The following PIEZO2 variants were observed in gnomAD, a reference collection of about 807,000 sequenced individuals.
PIEZO2 encodes piezo type mechanosensitive ion channel component 2, also known as piezo-type mechanosensitive ion channel component 2.
In PIEZO2, 172 loss-of-function variants were observed where a neutral mutation model predicts 337.3. The ratio of observed to expected loss-of-function variants is 0.51; its 90% CI spans 0.45 to 0.58. The LOEUF (loss-of-function observed/expected upper bound fraction) is 0.58, where lower values mean the gene tolerates loss of function less well. Among genes scored for constraint, PIEZO2 ranks in the 20% least tolerant of loss-of-function variants. PIEZO2 has a pLI of 0.00. For synonymous variants in PIEZO2, 1,251 were observed against 1,228.5 expected, an observed-to-expected ratio of 1.02 and a Z score of -0.38; for missense variants, 3,028 against 3,391.3, an observed-to-expected ratio of 0.89 and a Z score of 2.66.
At position 10,758,140 on chromosome 18, in the gene PIEZO2, A is replaced by C; in HGVS notation, c.3758-6T>G. On this transcript the variant is annotated splice_region_variant and splice_polypyrimidine_tract_variant and intron_variant, in intron 26 of 55. Coordinates refer to ENST00000674853, the MANE Select transcript of PIEZO2 (RefSeq NM_001378183.1). ...CAGAAGCAGCATGAAGTCATCTAAC[A>C]AGACAGAGGTGAGATCATTAAGCCG... 6.5e-7 allele frequency: 1 copy of C among 1,537,114 alleles called. No homozygotes were observed. The highest frequency in any genetic ancestry group is 1.2e-5 in the South Asian group (1 of 83,962).
intron 36 of PIEZO2, among the ~76,000 whole-genome samples, chr18:10,722,002 A>C (rs2036331521): frequency 1.3e-5 from 2 of 152,058 alleles, no homozygotes; most frequent in African/African-American, 4.8e-5. Context: ...AAAATACAAA[A>C]AATTAGCCAA....
intron 1 of PIEZO2, among the ~76,000 whole-genome samples, chr18:11,066,724 CA>C (rs1303155265): frequency 6.6e-6 from 1 of 152,106 alleles, no homozygotes; most frequent in Non-Finnish European, 1.5e-5. Context: ...CTCAGCCTCC[CA>C]AGTAGCTGGG....
intron 3 of PIEZO2, among the ~76,000 whole-genome samples, chr18:10,926,299 G>A (rs544296959): frequency 6.6e-6 from 1 of 152,284 alleles, no homozygotes; most frequent in South Asian, 2.1e-4. Flanking sequence ...TTCACAGCTT[G>A]GCATCGCCCA....
intron 3 of PIEZO2, among the ~76,000 whole-genome samples, chr18:10,926,032 A>G (rs926594913): frequency 2.0e-5 from 3 of 152,190 alleles, no homozygotes; most frequent in African/African-American, 4.8e-5. Context: ...TTCATTTAAG[A>G]TCTTAGGCAG....
intron 4 of PIEZO2, among the ~76,000 whole-genome samples, chr18:10,873,402 G>A (rs375471809): frequency 3.9e-5 from 6 of 152,086 alleles, no homozygotes; most frequent in African/African-American, 7.2e-5. Flanking sequence ...TTCTCCCTAC[G>A]TTCACTTTTA....
chr18:10,683,250 A>G (rs2034356498), intron 49 of PIEZO2, among the ~76,000 whole-genome samples: 1 of 152,256 alleles, frequency 6.6e-6, no homozygotes, highest in African/African-American at 2.4e-5. Context: ...GCCATAGATT[A>G]CACACCAGGA....
chr18:10,882,828 C>T (rs2042459597), intron 4 of PIEZO2, among the ~76,000 whole-genome samples: 1 of 113,040 alleles, frequency 8.8e-6, no homozygotes, highest in African/African-American at 2.9e-5. Context: ...ATATGTACCA[C>T]ATTTTCTTTT....
In PIEZO2 at chr18:10,677,697, C is replaced by A; in HGVS notation, c.8081+50G>T. ...GAATCTGTAGATGGACATTTTGTAC[C>A]AGCTGCATATACCTAACAAAGCTCT... On this transcript the variant is annotated intron_variant, in intron 53 of 55. Transcript: ENST00000674853. The surrounding 1 kb of genome is among the most constrained non-coding windows in gnomAD (Gnocchi z 4.1). The A allele has an allele frequency of 6.4e-7, 1 of 1,574,728 alleles. No individual in the cohort carries two copies. Among genetic ancestry groups the A allele is most frequent in the South Asian group, 1.2e-5 (1 of 84,192 alleles).
rs78023192 is a variant in PIEZO2 at position 10,705,737 on chromosome 18, C to A, written c.5598G>T (p.Thr1866=). The part of the protein sequence containing the change: ...DSGSLASSEP[T]QCTMLYSRQG... ...GGCGTGAGTACAGCATGGTACACTG[C>A]GTGGGCTCGCTGTTGGGAGAAAGCG... The change falls in exon 41 of 56, where the codon ACG becomes ACT. Residue 1866 remains threonine (T), a synonymous_variant. Transcript: ENST00000674853. The A allele has an allele frequency of 6.9e-4, 1,059 of 1,525,182 alleles. 7 individuals carry two copies. In the African/African-American group the frequency reaches 0.013, roughly 18 times the overall value. 94.5% of individuals were successfully genotyped at this position (1,525,182 alleles called of 1,614,324 possible).
intron 2 of PIEZO2, among the ~76,000 whole-genome samples, chr18:11,044,189 A>T (rs1480108486): frequency 6.7e-6 from 1 of 149,550 alleles, no homozygotes; most frequent in Non-Finnish European, 1.5e-5. Context: ...ACACACTAAT[A>T]TAATATATAT....
rs546737146 is a variant in PIEZO2 at position 10,952,579 on chromosome 18, A to G, written c.286+26956T>C. Among the ~76,000 whole-genome samples the G allele has an allele frequency of 6.6e-6, 1 of 152,316 alleles. No individual in the cohort carries two copies. The highest frequency in any genetic ancestry group is 2.1e-4 in the South Asian group (1 of 4,828). ...TATTGTTGACCTGTGTAGTCCATCC[A>G]GGGACCAAGTTTGCTGAAAGACATT... On this transcript the variant is annotated intron_variant, in intron 3 of 55. Coordinates refer to ENST00000674853, the MANE Select transcript of PIEZO2 (RefSeq NM_001378183.1). This position sits in a 1 kb window ranked among gnomAD's most constrained non-coding sequence, Gnocchi z 4.1.
chr18:10,815,154 A>G lies in PIEZO2; in HGVS notation c.918-7880T>C, dbSNP rs1218743286. ...ATGGCATAAATCTAATGGCAACAAA[A>G]CATGGGTCTTATTTTTAAAGGTTAA... On this transcript the variant is annotated intron_variant, in intron 7 of 55. Transcript: ENST00000674853. This position sits in a 1 kb window ranked among gnomAD's most constrained non-coding sequence, Gnocchi z 4.1. 6.6e-6 allele frequency among the ~76,000 whole-genome samples: 1 copy of G among 152,202 alleles called. No individual in the cohort carries two copies. The highest frequency in any genetic ancestry group is 1.5e-5 in the Non-Finnish European group (1 of 68,026).
intron 4 of PIEZO2, among the ~76,000 whole-genome samples, chr18:10,883,896 C>T (rs773357926): frequency 6.7e-6 from 1 of 150,086 alleles, no homozygotes; most frequent in Non-Finnish European, 1.5e-5. Context: ...CTGCAAACTC[C>T]CCCTCCCAGG....
chr18:11,084,667 T>C (rs1425101219), intron 1 of PIEZO2, among the ~76,000 whole-genome samples: 1 of 152,168 alleles, frequency 6.6e-6, no homozygotes, highest in Non-Finnish European at 1.5e-5. Context: ...CTATTTTCTT[T>C]ACCAAGAACT....
Position 10,862,092 on chromosome 18 carries a change from C to T in PIEZO2, c.493-4881G>A, listed in dbSNP as rs1204154355. 1.3e-5 allele frequency among the ~76,000 whole-genome samples: 2 copies of T among 151,866 alleles called. No individual in the cohort carries two copies. Among genetic ancestry groups the T allele is most frequent in the Non-Finnish European group, 2.9e-5 (2 of 67,968 alleles). ...AGAGAGGATGTTAATGTCCTCAACA[C>T]AAATAAATAATAAGTATTTGAGATG... On this transcript the variant is annotated intron_variant, in intron 5 of 55. Transcript: ENST00000674853. The surrounding 1 kb of genome is among the most constrained non-coding windows in gnomAD (Gnocchi z 4.4).
chr18:11,009,234 A>G lies in PIEZO2; in HGVS notation c.161-29574T>C, dbSNP rs937686072. 6.6e-6 allele frequency among the ~76,000 whole-genome samples: 1 copy of G among 152,190 alleles called. No individual in the cohort carries two copies. Among genetic ancestry groups the G allele is most frequent in the Non-Finnish European group, 1.5e-5 (1 of 68,040 alleles). Reference sequence around the variant, plus strand: ...AAGGACTCTTATTAAATAATTTTCAATGAATTGCTGAGTCTCTGAAGAGTG... The same window carrying G: ...AAGGACTCTTATTAAATAATTTTCAGTGAATTGCTGAGTCTCTGAAGAGTG... On this transcript the variant is annotated intron_variant, in intron 2 of 55. Coordinates refer to ENST00000674853, the MANE Select transcript of PIEZO2 (RefSeq NM_001378183.1). The surrounding 1 kb of genome is among the most constrained non-coding windows in gnomAD (Gnocchi z 4.6).
At chr18:10,792,442 T>C (rs940602770) in intron 13 of PIEZO2, among the ~76,000 whole-genome samples, 1 of 152,232 alleles carries the variant, frequency 6.6e-6, no homozygotes, top group Admixed American at 6.5e-5. Context: ...CTTTTCTCCC[T>C]ATCTCAGCCC....
In PIEZO2 at chr18:10,877,010, T is replaced by C. The variant is rs547300822; in HGVS notation, c.330-5595A>G. On this transcript the variant is annotated intron_variant, in intron 4 of 55. Transcript: ENST00000674853. The surrounding 1 kb of genome is among the most constrained non-coding windows in gnomAD (Gnocchi z 5.3). Reference sequence around the variant, plus strand: ...CCGTTCCCGTGGTTTTCTTACACTCTCTTCTAATTCTCTACCTACCTATGA... The same window carrying C: ...CCGTTCCCGTGGTTTTCTTACACTCCCTTCTAATTCTCTACCTACCTATGA... 6.6e-6 allele frequency among the ~76,000 whole-genome samples: 1 copy of C among 152,310 alleles called. No homozygotes were observed. Among genetic ancestry groups the C allele is most frequent in the Admixed American group, 6.5e-5 (1 of 15,306 alleles).
chr18:11,083,286 T>C lies in PIEZO2; in HGVS notation c.65-17064A>G, dbSNP rs2038812480. 6.6e-6 allele frequency among the ~76,000 whole-genome samples: 1 copy of C among 152,232 alleles called. No homozygotes were observed. The highest frequency in any genetic ancestry group is 1.9e-4 in the East Asian group (1 of 5,204). On this transcript the variant is annotated intron_variant, in intron 1 of 55. Transcript: ENST00000674853. The surrounding 1 kb of genome is among the most constrained non-coding windows in gnomAD (Gnocchi z 4.4). ...TGTCCAGCTACTCTAAAAAGCTACTTTGTGGTTCTTTATGAAAAGAGGGAA... is the reference window on the plus strand; with the variant it reads ...TGTCCAGCTACTCTAAAAAGCTACTCTGTGGTTCTTTATGAAAAGAGGGAA...
Sources: gnomAD v4.1 joint callset for allele counts (sites outside exome capture counted in the v4.1 genomes callset) on GRCh38, gnomAD v4.1.1 for gene constraint, Gnocchi (gnomAD v3.1) non-coding constraint, MANE v1.5 for transcripts, NCBI Gene and HGNC (gene_info 2026-07-23, HGNC 2026-07-21) for gene names.